ATP8B1: variants seen among roughly 807,000 people sequenced by gnomAD.
ATP8B1 encodes the protein phospholipid-transporting ATPase IC.
ATP8B1 carries 80 observed loss-of-function variants against 149.9 expected under a neutral mutation model. That is an observed-to-expected ratio of 0.53 (90% confidence interval 0.45 to 0.64). The LOEUF (loss-of-function observed/expected upper bound fraction) is 0.64, where lower values mean the gene tolerates loss of function less well. Among genes scored for constraint, ATP8B1 ranks in the 30% least tolerant of loss-of-function variants. ATP8B1 has a pLI of 0.00. For missense variants in ATP8B1, 1,247 were observed against 1,552.6 expected (o/e 0.80, Z 3.31); for synonymous variants, 536 against 562.8 (o/e 0.95, Z 0.67).
intron 22 of ATP8B1, among the ~76,000 whole-genome samples, chr18:57,655,771 C>T (rs1230936939): frequency 6.6e-6 from 1 of 152,224 alleles, no homozygotes; most frequent in Non-Finnish European, 1.5e-5. Flanking sequence ...TCTTTGGCAA[C>T]AGCTGTGTCA....
chr18:57,764,110 T>C lies in ATP8B1; in HGVS notation c.-25-32278A>G, dbSNP rs373967730. Among the ~76,000 whole-genome samples the C allele has an allele frequency of 2.5e-4, 38 of 152,322 alleles. No homozygotes were observed. In the East Asian group the frequency reaches 7.3e-3, roughly 29 times the overall value. On this transcript the variant is annotated intron_variant, in intron 1 of 27. Transcript: ENST00000648908. ...AGAACAAGCCCGGTCACTCTCGCTT[T>C]AGCAGTCTTTTGTATTTTTGTCCCA...
intron 1 of ATP8B1, among the ~76,000 whole-genome samples, chr18:57,800,924 A>G (rs1462454763): frequency 1.3e-5 from 2 of 152,222 alleles, no homozygotes; most frequent in Non-Finnish European, 1.5e-5. Context: ...CTCCATTAGC[A>G]CTAAGATCCC....
intron 2 of ATP8B1, among the ~76,000 whole-genome samples, chr18:57,729,549 C>CTT (rs71171074): frequency 7.5e-5 from 9 of 120,742 alleles, no homozygotes; most frequent in African/African-American, 2.9e-4. Flanking sequence ...TTCTTTCTTT[C>CTT]TTTTTTTTTT....
intron 2 of ATP8B1, among the ~76,000 whole-genome samples, chr18:57,721,877 C>G (rs2079650410): frequency 1.9e-5 from 2 of 104,738 alleles, no homozygotes; most frequent in African/African-American, 8.1e-5. Context: ...TGTAAAAGAA[C>G]AGAAATTATA....
In ATP8B1 at chr18:57,646,518, A is replaced by G. The variant is rs1220856435; in HGVS notation, c.*1970T>C. On this transcript the variant is annotated 3_prime_UTR_variant, in exon 28 of 28. Coordinates refer to ENST00000648908, the MANE Select transcript of ATP8B1 (RefSeq NM_001374385.1). ...ATTAAATCTCAGATTTACAGAATATAGAAATAATTTATCCAAAGAAATTTG... is the reference window on the plus strand; with the variant it reads ...ATTAAATCTCAGATTTACAGAATATGGAAATAATTTATCCAAAGAAATTTG... The G allele has an allele frequency of 2.0e-5, 3 of 152,678 alleles. No homozygotes were observed. The highest frequency in any genetic ancestry group is 7.2e-5 in the African/African-American group (3 of 41,466). 9.5% of individuals were successfully genotyped at this position (152,678 alleles called of 1,614,324 possible).
At chr18:57,775,642 GTTT>G (rs35786009) in intron 1 of ATP8B1, among the ~76,000 whole-genome samples, 21 of 94,996 alleles carry the variant, frequency 2.2e-4, no homozygotes, top group Admixed American at 7.8e-4. Context: ...AACTGGCCAT[GTTT>G]TTTTTTTTTT....
chr18:57,671,295 G>A (rs140185026), intron 17 of ATP8B1, among the ~76,000 whole-genome samples, 173 bp downstream of exon 17: 28 of 152,288 alleles, frequency 1.8e-4, no homozygotes, highest in African/African-American at 6.7e-4. Flanking sequence ...CAGTGGCAGG[G>A]GCAGAACTGG....
intron 1 of ATP8B1, among the ~76,000 whole-genome samples, chr18:57,778,394 T>A (rs1198845867): frequency 6.6e-6 from 1 of 151,628 alleles, no homozygotes; most frequent in Non-Finnish European, 1.5e-5. Context: ...CCCGGCTAAT[T>A]TTTTGTATTT....
chr18:57,748,050 GGA>G (rs928301193), intron 1 of ATP8B1, among the ~76,000 whole-genome samples: 15 of 152,120 alleles, frequency 9.9e-5, no homozygotes, highest in African/African-American at 3.4e-4. Flanking sequence ...TCAAATATAA[GGA>G]GTGTGTCCAA....
intron 1 of ATP8B1, among the ~76,000 whole-genome samples, chr18:57,750,615 ATAT>A (rs1035312474): frequency 4.6e-5 from 7 of 152,180 alleles, no homozygotes; most frequent in Non-Finnish European, 1.0e-4. Flanking sequence ...CCTGCCTTAT[ATAT>A]CAGTTCCTAG....
intron 2 of ATP8B1, among the ~76,000 whole-genome samples, chr18:57,727,888 G>T (rs1427206871): frequency 6.6e-6 from 1 of 152,182 alleles, no homozygotes; most frequent in Admixed American, 6.5e-5. Context: ...GGAAACGACA[G>T]AGCTCATCCC....
intron 1 of ATP8B1, among the ~76,000 whole-genome samples, chr18:57,741,500 A>G (rs1228280753): frequency 6.6e-6 from 1 of 152,186 alleles, no homozygotes; most frequent in East Asian, 1.9e-4. Flanking sequence ...TTGAAAGCAG[A>G]TCCTTCCTCA....
At position 57,669,437 on chromosome 18, in the gene ATP8B1, C is replaced by T. The variant is rs1296397254; in HGVS notation, c.1978G>A (p.Glu660Lys). 1.2e-6 allele frequency: 2 copies of T among 1,613,446 alleles called. No individual in the cohort carries two copies. The highest frequency in any genetic ancestry group is 1.7e-6 in the Non-Finnish European group (2 of 1,179,676). The change falls in exon 18 of 28, where the codon GAA (glutamate) becomes AAA (lysine). Residue 660 changes from glutamate (E) to lysine (K), a missense_variant. Glu to Lys is a moderately conservative substitution (Grantham distance 56, BLOSUM62 1). This residue lies in a region of ATP8B1 where 853 missense variants were observed against 1,035.7 expected (regional missense o/e 0.82). Coordinates refer to ENST00000648908, the MANE Select transcript of ATP8B1 (RefSeq NM_001374385.1). The part of the protein sequence containing the change: ...TLRTLCLCYK[E>K]IEEKEFTEWN... ...TCTGTAAATTCTTTTTCTTCAATTTCCTTGTAGCAAAGGCATAGGGTTCTA... is the reference window on the plus strand; with the variant it reads ...TCTGTAAATTCTTTTTCTTCAATTTTCTTGTAGCAAAGGCATAGGGTTCTA...
At chr18:57,688,677 A>G in intron 12 of ATP8B1, 170 bp from the exon 13 acceptor site, 1 of 707,412 alleles carries the variant, frequency 1.4e-6, no homozygotes, top group Non-Finnish European at 2.4e-6. Flanking sequence ...CCAATTCAAC[A>G]GTATTGAGGT....
chr18:57,774,631 T>C (rs1374109444), intron 1 of ATP8B1, among the ~76,000 whole-genome samples: 2 of 152,120 alleles, frequency 1.3e-5, no homozygotes, highest in African/African-American at 4.8e-5. Context: ...TAATAATCTC[T>C]TCTAACCGGA....
intron 27 of ATP8B1, among the ~76,000 whole-genome samples, chr18:57,649,596 C>A (rs1428131797): frequency 1.3e-5 from 2 of 151,966 alleles, no homozygotes; most frequent in South Asian, 4.1e-4. Context: ...TTCAGATTGC[C>A]CCCCCCAACC....
intron 1 of ATP8B1, among the ~76,000 whole-genome samples, chr18:57,753,456 T>C (rs1216623678): frequency 6.6e-6 from 1 of 151,252 alleles, no homozygotes; most frequent in Non-Finnish European, 1.5e-5. Flanking sequence ...CAACAAAAAC[T>C]CTCCTTCACA....
At chr18:57,797,719 TTTTTTTGAGATG>T (rs2080529012) in intron 1 of ATP8B1, among the ~76,000 whole-genome samples, 1 of 144,476 alleles carries the variant, frequency 6.9e-6, no homozygotes, top group Non-Finnish European at 1.5e-5. Flanking sequence ...TTTTTTTTTT[TTTTTTTGAGATG>T]GAGTCTCACT....
intron 1 of ATP8B1, among the ~76,000 whole-genome samples, chr18:57,751,216 G>A (rs937731655): frequency 6.6e-6 from 1 of 152,046 alleles, no homozygotes; most frequent in African/African-American, 2.4e-5. Flanking sequence ...GTTGGGCTAG[G>A]CTTGTGGCTC....
Sources: allele counts gnomAD v4.1 joint callset (sites outside exome capture counted in the v4.1 genomes callset), GRCh38; gene constraint gnomAD v4.1.1; regional missense constraint gnomAD v4.1.1; transcripts MANE v1.5; gene names NCBI Gene and HGNC (gene_info 2026-07-23, HGNC 2026-07-21).